The following ASXL1 variants were observed in gnomAD, a reference collection of about 807,000 sequenced individuals.
The protein encoded by ASXL1 is ASXL transcriptional regulator 1, also known as polycomb group protein ASXL1.
Under a neutral mutation model 89.1 loss-of-function variants are expected in ASXL1, and 65 were observed. The ratio of observed to expected loss-of-function variants is 0.73; its 90% CI spans 0.60 to 0.90. ASXL1 has a LOEUF of 0.90. Ranked by LOEUF, ASXL1 falls within the 40% of genes least tolerant of loss-of-function variation. ASXL1 has a pLI of 0.00. For missense variants in ASXL1, 1,786 were observed against 1,942.9 expected (o/e 0.92, Z 1.52); for synonymous variants, 739 against 746.9 (o/e 0.99, Z 0.17).
At chr20:32,361,808 G>A (rs1168196888) in intron 1 of ASXL1, among the ~76,000 whole-genome samples, 1 of 152,162 alleles carries the variant, frequency 6.6e-6, no homozygotes, top group Non-Finnish European at 1.5e-5. Context: ...GCTCACGCCT[G>A]TAATCCCAGC....
chr20:32,412,577 C>T (rs1464324325), intron 4 of ASXL1, among the ~76,000 whole-genome samples: 1 of 150,898 alleles, frequency 6.6e-6, no homozygotes, highest in East Asian at 1.9e-4. Context: ...TTGCATTACC[C>T]TTAAGAAAAG....
rs969436099 is a variant in ASXL1 at position 32,438,335 on chromosome 20, A to G, written c.*997A>G. 2 of 233,460 alleles carry G rather than the reference A, an allele frequency of 8.6e-6. No individual in the cohort carries two copies. The highest frequency in any genetic ancestry group is 2.2e-5 in the African/African-American group (1 of 45,314). The allele number at this position is 233,460 out of a possible 1,614,324, so 14.5% of individuals were successfully genotyped here. A position where few individuals can be genotyped will look rare whatever the true frequency, so the allele number is the denominator to read the frequency against. On this transcript the variant is annotated 3_prime_UTR_variant, in exon 13 of 13. Transcript: ENST00000375687. ...ACTGGCTGATTCTGTAAATGGATGT[A>G]TTGTACAGAGAACATGAACGTCTCT...
intron 4 of ASXL1, among the ~76,000 whole-genome samples, chr20:32,409,009 T>G (rs2049002121): frequency 6.6e-6 from 1 of 152,174 alleles, no homozygotes; most frequent in Non-Finnish European, 1.5e-5. Context: ...GTTTTGCTCT[T>G]GTTGCCCAGG....
intron 4 of ASXL1, among the ~76,000 whole-genome samples, chr20:32,406,281 C>T (rs1047917250): frequency 9.9e-5 from 15 of 152,066 alleles, no homozygotes; most frequent in African/African-American, 3.6e-4. Flanking sequence ...GGCGCAGTGG[C>T]TTACACCTGT....
At chr20:32,375,616 A>G (rs2048364229) in intron 4 of ASXL1, among the ~76,000 whole-genome samples, 1 of 152,008 alleles carries the variant, frequency 6.6e-6, no homozygotes, top group Non-Finnish European at 1.5e-5. Flanking sequence ...CCTGTATCCA[A>G]TCATGATATT....
At chr20:32,379,161 C>CTTTTTTTTTTTTTTT (rs71187113) in intron 4 of ASXL1, among the ~76,000 whole-genome samples, 14 of 61,794 alleles carry the variant, frequency 2.3e-4, no homozygotes, top group East Asian at 6.5e-4. Context: ...TAACTTCAGT[C>CTTTTTTTTTTTTTTT]TTTTTTTTTT....
At chr20:32,426,541 C>CTTTTTTTTTTTTTTTTTGTTTTTTT (rs1014372390) in intron 4 of ASXL1, among the ~76,000 whole-genome samples, 1 of 92,564 alleles carries the variant, frequency 1.1e-5, no homozygotes, top group Non-Finnish European at 2.3e-5. Flanking sequence ...AAACTGTTTT[C>CTTTTTTTTTTTTTTTTTGTTTTTTT]TTTTTTTTCT....
chr20:32,395,174 T>A (rs995877409), intron 4 of ASXL1, among the ~76,000 whole-genome samples: 10 of 152,226 alleles, frequency 6.6e-5, no homozygotes, highest in African/African-American at 2.4e-4. Flanking sequence ...GGACTTCCTT[T>A]AATGTGTTTC....
At chr20:32,369,791 C>T (rs1019866293) in intron 4 of ASXL1, among the ~76,000 whole-genome samples, 4 of 133,548 alleles carry the variant, frequency 3.0e-5, no homozygotes, top group Admixed American at 9.0e-5. Flanking sequence ...TGCAGTGGTG[C>T]GATCTCAGCT....
intron 10 of ASXL1, chr20:32,432,611 C>G: frequency 4.8e-6 from 2 of 414,530 alleles, no homozygotes; most frequent in South Asian, 4.3e-5. Context: ...TCAGGCCTAC[C>G]TACTATGTTA....
chr20:32,403,791 G>C (rs537710700), intron 4 of ASXL1, among the ~76,000 whole-genome samples: 52 of 152,204 alleles, frequency 3.4e-4, no homozygotes, highest in African/African-American at 1.2e-3. Context: ...TAAACCCATT[G>C]GTTAGTTTGG....
At chr20:32,368,966 T>G (rs1481881562) in intron 3 of ASXL1, 49 bp from the exon 4 acceptor site, 1 of 1,490,936 alleles carries the variant, frequency 6.7e-7, no homozygotes, top group Non-Finnish European at 9.3e-7. Flanking sequence ...GGTCTTTAAG[T>G]AGGCAGATGG....
Position 32,429,412 on chromosome 20 carries a change from C to G in ASXL1, c.546C>G (p.Ala182=). 1.2e-6 allele frequency: 2 copies of G among 1,614,018 alleles called. No individual in the cohort carries two copies. The highest frequency in any genetic ancestry group is 1.7e-6 in the Non-Finnish European group (2 of 1,179,964). The part of the protein sequence containing the change: ...VVLTPLKVNG[A]HVESASGFSG... ...TGACTCCTCTGAAGGTAAACGGGGC[C>G]CACGTGGAATCTGCATCAGGTATGT... The change falls in exon 7 of 13, where the codon GCC becomes GCG. Residue 182 remains alanine (A), a synonymous_variant. Coordinates refer to ENST00000375687, the MANE Select transcript of ASXL1 (RefSeq NM_015338.6). The surrounding 1 kb of genome is among the most constrained non-coding windows in gnomAD (Gnocchi z 4.9).
chr20:32,402,507 G>A (rs542554842), intron 4 of ASXL1, among the ~76,000 whole-genome samples: 4 of 152,368 alleles, frequency 2.6e-5, no homozygotes, highest in Non-Finnish European at 4.4e-5. Context: ...TATGATACAT[G>A]TATATTTAAC....
intron 4 of ASXL1, among the ~76,000 whole-genome samples, chr20:32,398,118 T>C (rs2048801891): frequency 6.6e-6 from 1 of 152,238 alleles, no homozygotes; most frequent in East Asian, 1.9e-4. Flanking sequence ...CTTAGAAAAA[T>C]ACATTTAAAA....
intron 4 of ASXL1, among the ~76,000 whole-genome samples, chr20:32,422,262 T>C (rs2049270735): frequency 6.6e-6 from 1 of 151,152 alleles, no homozygotes; most frequent in Non-Finnish European, 1.5e-5. Flanking sequence ...TATATCTTGA[T>C]ATGCATTTGT....
At chr20:32,359,448 G>A (rs913017070) in intron 1 of ASXL1, 40 of 698,130 alleles carry the variant, frequency 5.7e-5, no homozygotes, top group Middle Eastern at 4.6e-4. Flanking sequence ...TACTCCTAGG[G>A]CCCTTCGTAA....
chr20:32,398,603 G>GTTTTTTTTTTTTT (rs375341392), intron 4 of ASXL1, among the ~76,000 whole-genome samples: 5 of 126,444 alleles, frequency 4.0e-5, no homozygotes, highest in Admixed American at 8.5e-5. Context: ...TTTTTTGTTT[G>GTTTTTTTTTTTTT]TTTTTTTTTT....
chr20:32,379,248 A>T (rs1247579442), intron 4 of ASXL1, among the ~76,000 whole-genome samples: 3 of 124,060 alleles, frequency 2.4e-5, no homozygotes, highest in Non-Finnish European at 3.1e-5. Context: ...GCAGTGGTGT[A>T]GTCTCAGCTC....
Sources: gnomAD v4.1 joint callset for allele counts (sites outside exome capture counted in the v4.1 genomes callset) on GRCh38, gnomAD v4.1.1 for gene constraint, Gnocchi (gnomAD v3.1) non-coding constraint, MANE v1.5 for transcripts, NCBI Gene and HGNC (gene_info 2026-07-23, HGNC 2026-07-21) for gene names.